NRG3: variants seen among roughly 807,000 people sequenced by gnomAD.
NRG3 encodes the protein pro-neuregulin-3, membrane-bound isoform.
Under a neutral mutation model 66.9 loss-of-function variants are expected in NRG3, and 31 were observed. That is an observed-to-expected ratio of 0.46 (90% CI 0.35 to 0.63). The LOEUF (loss-of-function observed/expected upper bound fraction) is 0.63. NRG3 is among the 20% of genes least tolerant of loss of function. The pLI is 0.00. For missense variants in NRG3, 910 were observed against 878.9 expected (o/e 1.04, Z -0.45); for synonymous variants, 393 against 359.4 (o/e 1.09, Z -1.06).
chr10:82,730,434 G>T (rs182167931), intron 2 of NRG3, among the ~76,000 whole-genome samples: 2 of 152,088 alleles, frequency 1.3e-5, no homozygotes, highest in Admixed American at 1.3e-4. Context: ...AGCAAGAAAC[G>T]TCAGAGTGAC....
At chr10:82,936,716 C>T (rs1848105129) in intron 4 of NRG3, among the ~76,000 whole-genome samples, 1 of 151,970 alleles carries the variant, frequency 6.6e-6, no homozygotes, top group African/African-American at 2.4e-5. Flanking sequence ...ACACAATAAA[C>T]ACATATAATT....
Position 82,503,350 on chromosome 10 carries a change from C to G in NRG3, c.953+144482C>G, listed in dbSNP as rs1300247742. On this transcript the variant is annotated intron_variant, in intron 2 of 8. Coordinates refer to ENST00000372141, the MANE Select transcript of NRG3 (RefSeq NM_001010848.4). ...ATTAGCTTGGAGATCTCAGGAAAAT[C>G]TGGTGAGTAGAATCTTCTGAGAGAA... 2.0e-5 allele frequency among the ~76,000 whole-genome samples: 3 copies of G among 152,140 alleles called. No homozygotes were observed. The East Asian group carries it at 5.8e-4, about 29-fold the overall frequency.
At chr10:82,069,117 T>C (rs1490922712) in intron 1 of NRG3, among the ~76,000 whole-genome samples, 1 of 152,192 alleles carries the variant, frequency 6.6e-6, no homozygotes, top group Non-Finnish European at 1.5e-5. Context: ...TTCCTCTTGT[T>C]ACTGTCTTCA....
rs1408776353 is a variant in NRG3 at position 82,865,443 on chromosome 10, A to G, written c.1054+6A>G. 6.2e-7 allele frequency: 1 copy of G among 1,612,330 alleles called. No homozygotes were observed. The highest frequency in any genetic ancestry group is 1.3e-5 in the African/African-American group (1 of 74,848). The stretch of plus-strand genomic sequence containing the variant: ...CTTGGGGATTGAATTCATGGGTAAG[A>G]CTAAACAATTTGCTCATTTAATATC... On this transcript the variant is annotated splice_donor_region_variant and intron_variant, in intron 4 of 8. Coordinates refer to ENST00000372141, the MANE Select transcript of NRG3 (RefSeq NM_001010848.4).
intron 2 of NRG3, among the ~76,000 whole-genome samples, chr10:82,645,290 T>C (rs604004): frequency 0.87 from 132,434 of 152,162 alleles, 57,729 homozygotes; most frequent in Middle Eastern, 0.92. Context: ...GCACTTTCTG[T>C]AAGGTGTGAG....
intron 1 of NRG3, among the ~76,000 whole-genome samples, chr10:81,914,623 G>A (rs1295414997): frequency 6.6e-6 from 1 of 152,032 alleles, no homozygotes; most frequent in Non-Finnish European, 1.5e-5. Flanking sequence ...GGGCATGGGG[G>A]TGTGTGCCTG....
At chr10:82,021,784 GTA>G (rs1444783406) in intron 1 of NRG3, among the ~76,000 whole-genome samples, 1,449 of 11,282 alleles carry the variant, frequency 0.13, 36 homozygotes, top group African/African-American at 0.2. Context: ...TGGGCATGTA[GTA>G]TGTGTGTGTG....
At chr10:82,523,379 G>A (rs1846385861) in intron 2 of NRG3, among the ~76,000 whole-genome samples, 1 of 151,472 alleles carries the variant, frequency 6.6e-6, no homozygotes. Flanking sequence ...CCCACCAGCA[G>A]TACTTGAGGG....
chr10:82,352,175 A>G (rs2083474712), intron 1 of NRG3, among the ~76,000 whole-genome samples: 3 of 152,250 alleles, frequency 2.0e-5, no homozygotes, highest in African/African-American at 7.2e-5. Context: ...GTTATTAGGA[A>G]TACATATACC....
intron 3 of NRG3, among the ~76,000 whole-genome samples, chr10:82,793,625 C>G (rs2135388944): frequency 6.6e-6 from 1 of 152,274 alleles, no homozygotes; most frequent in Middle Eastern, 3.4e-3. Flanking sequence ...ATCTCTGTGG[C>G]ATTAAAAAAC....
intron 1 of NRG3, among the ~76,000 whole-genome samples, chr10:82,100,328 C>G (rs974353579): frequency 3.9e-5 from 6 of 151,976 alleles, no homozygotes; most frequent in Non-Finnish European, 8.8e-5. Flanking sequence ...TTAATAGGAA[C>G]AATGTTCTTT....
chr10:82,783,214 A>C (rs1257031641), intron 3 of NRG3, among the ~76,000 whole-genome samples: 1 of 152,010 alleles, frequency 6.6e-6, no homozygotes, highest in Non-Finnish European at 1.5e-5. Context: ...TCTCAAAATA[A>C]TAAGAGCTAT....
chr10:82,066,821 CT>C (rs561873583), intron 1 of NRG3, among the ~76,000 whole-genome samples: 31 of 148,852 alleles, frequency 2.1e-4, no homozygotes, highest in African/African-American at 3.9e-4. Context: ...TAGACCTATT[CT>C]TTTTTTTTTG....
chr10:82,290,394 A>G (rs1381388162), intron 1 of NRG3, among the ~76,000 whole-genome samples: 1 of 152,200 alleles, frequency 6.6e-6, no homozygotes, highest in African/African-American at 2.4e-5. Context: ...ACTTTCTAGT[A>G]TTGTCCACAT....
chr10:82,357,702 C>G (rs1012775276), intron 1 of NRG3, among the ~76,000 whole-genome samples: 17 of 152,120 alleles, frequency 1.1e-4, no homozygotes, highest in African/African-American at 3.9e-4. Context: ...TCCTGATTAC[C>G]TCCCAAAGGG....
intron 1 of NRG3, among the ~76,000 whole-genome samples, chr10:82,142,379 C>T (rs2069859492): frequency 6.6e-6 from 1 of 152,058 alleles, no homozygotes; most frequent in Non-Finnish European, 1.5e-5. Context: ...TATCTGGCCT[C>T]CCAAGGGAGG....
intron 2 of NRG3, among the ~76,000 whole-genome samples, chr10:82,700,048 A>G (rs1258854623): frequency 6.6e-6 from 1 of 152,198 alleles, no homozygotes; most frequent in Non-Finnish European, 1.5e-5. Context: ...TCAACAGGGT[A>G]AGTACAATTA....
At chr10:81,941,396 C>CTCACT (rs1848392648) in intron 1 of NRG3, among the ~76,000 whole-genome samples, 3 of 152,004 alleles carry the variant, frequency 2.0e-5, no homozygotes, top group Non-Finnish European at 4.4e-5. Context: ...ATGTGCATTT[C>CTCACT]TGAGTGGAGA....
At position 82,248,505 on chromosome 10, in the gene NRG3, A is replaced by T. The variant is rs138452112; in HGVS notation, c.824-110234A>T. Among the ~76,000 whole-genome samples the T allele has an allele frequency of 5.1e-3, 773 of 152,250 alleles. 6 individuals are homozygous for T. Among genetic ancestry groups the T allele is most frequent in the African/African-American group, 0.018 (742 of 41,546 alleles). The stretch of plus-strand genomic sequence containing the variant: ...GTCCATGACCTCTCCCTGCCCTTCC[A>T]TGCTGGGTGACCATCTGCATGTAAA... On this transcript the variant is annotated intron_variant, in intron 1 of 8. Coordinates refer to ENST00000372141, the MANE Select transcript of NRG3 (RefSeq NM_001010848.4).
Sources: allele counts gnomAD v4.1 joint callset (sites outside exome capture counted in the v4.1 genomes callset), GRCh38; gene constraint gnomAD v4.1.1; transcripts MANE v1.5; gene names NCBI Gene and HGNC (gene_info 2026-07-23, HGNC 2026-07-21).